The following KLHL26 variants were observed in gnomAD, a reference collection of about 807,000 sequenced individuals.
The protein encoded by KLHL26 is kelch like family member 26.
Under a neutral mutation model 7.1 loss-of-function variants are expected in KLHL26, and 4 were observed. The ratio of observed to expected loss-of-function variants is 0.56; its 90% confidence interval spans 0.28 to 1.28. The LOEUF (loss-of-function observed/expected upper bound fraction) is 1.28, where lower values mean the gene tolerates loss of function less well. Ranked by LOEUF, KLHL26 falls within the 50% of genes most tolerant of loss-of-function variation. KLHL26 has a pLI of 0.11. For synonymous variants in KLHL26, 465 were observed against 414.1 expected, an observed-to-expected ratio of 1.12 and a Z score of -1.49; for missense variants, 896 against 924.6, an observed-to-expected ratio of 0.97 and a Z score of 0.40.
At chr19:18,642,833 A>G (rs987648654) in intron 1 of KLHL26, among the ~76,000 whole-genome samples, 1 of 143,478 alleles carries the variant, frequency 7.0e-6, no homozygotes, top group African/African-American at 2.5e-5. Flanking sequence ...CTACTAACAC[A>G]CCTAATTTTT....
rs2145376614 is a variant in KLHL26 at position 18,646,255 on chromosome 19, G to A, written c.83+9118G>A. On this transcript the variant is annotated intron_variant, in intron 1 of 2. Coordinates refer to ENST00000300976, the MANE Select transcript of KLHL26 (RefSeq NM_018316.3). The surrounding 1 kb of genome is among the most constrained non-coding windows in gnomAD (Gnocchi z 5.0). ...TCCTGCCTCAGCCTCCCAAGTAGCTGGGACTACAGGCGCCCACTACCATGC... is the reference window on the plus strand; with the variant it reads ...TCCTGCCTCAGCCTCCCAAGTAGCTAGGACTACAGGCGCCCACTACCATGC... Among the ~76,000 whole-genome samples, 1 of 152,256 alleles carries A rather than the reference G, an allele frequency of 6.6e-6. No homozygotes were observed. Among genetic ancestry groups the A allele is most frequent in the South Asian group, 2.1e-4 (1 of 4,824 alleles).
chr19:18,662,935 G>A (rs981392904), intron 1 of KLHL26, among the ~76,000 whole-genome samples: 1 of 152,066 alleles, frequency 6.6e-6, no homozygotes, highest in Non-Finnish European at 1.5e-5. Flanking sequence ...GAGTCTCAGG[G>A]TGCACCTGGA....
intron 1 of KLHL26, among the ~76,000 whole-genome samples, chr19:18,663,653 G>C (rs1419064829): frequency 6.6e-6 from 1 of 152,162 alleles, no homozygotes; most frequent in African/African-American, 2.4e-5. Context: ...GGTGGCACCA[G>C]GGTCCACCCC....
Position 18,669,393 on chromosome 19 carries a change from G to A in KLHL26, c.*148G>A. On this transcript the variant is annotated 3_prime_UTR_variant, in exon 3 of 3. Coordinates refer to ENST00000300976, the MANE Select transcript of KLHL26 (RefSeq NM_018316.3). Reference sequence around the variant, plus strand: ...TGCGTTGATAAGCCCCCCTCCCAGGGGTCCCTCCCTCCCTCCTTCCCAAAG... The same window carrying A: ...TGCGTTGATAAGCCCCCCTCCCAGGAGTCCCTCCCTCCCTCCTTCCCAAAG... 1 of 630,916 alleles carries A rather than the reference G, an allele frequency of 1.6e-6. No homozygotes were observed. The highest frequency in any genetic ancestry group is 2.8e-6 in the Non-Finnish European group (1 of 363,046). The allele number at this position is 630,916 out of a possible 1,614,324, so 39.1% of individuals were successfully genotyped here.
In KLHL26 at chr19:18,650,093, T is replaced by C. The variant is rs1336052588; in HGVS notation, c.83+12956T>C. Among the ~76,000 whole-genome samples, 1 of 152,052 alleles carries C rather than the reference T, an allele frequency of 6.6e-6. No homozygotes were observed. Among genetic ancestry groups the C allele is most frequent in the Admixed American group, 6.5e-5 (1 of 15,274 alleles). On this transcript the variant is annotated intron_variant, in intron 1 of 2. Coordinates refer to ENST00000300976, the MANE Select transcript of KLHL26 (RefSeq NM_018316.3). The surrounding 1 kb of genome is among the most constrained non-coding windows in gnomAD (Gnocchi z 4.2). ...CTTGAGGGGTGGACCTTCAGGCTTG[T>C]AAAGGCCTGGAGGGGGGTCACCCGA...
At chr19:18,642,990 C>T (rs1246408864) in intron 1 of KLHL26, among the ~76,000 whole-genome samples, 3 of 151,910 alleles carry the variant, frequency 2.0e-5, no homozygotes, top group African/African-American at 4.8e-5. Flanking sequence ...CACGCCACCA[C>T]GCCCAAATAA....
At position 18,668,629 on chromosome 19, in the gene KLHL26, T is replaced by C; in HGVS notation, c.1232T>C (p.Leu411Pro). ...CGCATCCAGTTCCAGCTGAACGTGC[T>C]GTGCGGCATGGTGTACGCCACGGGC... Reference protein sequence around the residue: ...ESRIQFQLNVLCGMVYATGGR... With the variant: ...ESRIQFQLNVPCGMVYATGGR... The change falls in exon 3 of 3, where the codon CTG becomes CCG. Residue 411 changes from leucine to proline, a missense_variant. Physicochemically the swap from Leu to Pro is moderately conservative, Grantham distance 98. Transcript: ENST00000300976. 1 of 1,581,334 alleles carries C rather than the reference T, an allele frequency of 6.3e-7. No individual in the cohort carries two copies. Among genetic ancestry groups the C allele is most frequent in the South Asian group, 1.1e-5 (1 of 89,120 alleles).
At chr19:18,665,348 G>T (rs548818724) in intron 2 of KLHL26, among the ~76,000 whole-genome samples, 2 of 152,318 alleles carry the variant, frequency 1.3e-5, no homozygotes, top group African/African-American at 4.8e-5. Context: ...GAGCCACTGC[G>T]CCCAGCCCAA....
Position 18,667,607 on chromosome 19 carries a change from G to T in KLHL26, c.267-57G>T. 1.9e-6 allele frequency: 3 copies of T among 1,563,444 alleles called. No homozygotes were observed. The South Asian group carries it at 3.7e-5, about 19-fold the overall frequency. On this transcript the variant is annotated intron_variant, in intron 2 of 2. Coordinates refer to ENST00000300976, the MANE Select transcript of KLHL26 (RefSeq NM_018316.3). ...TGTTCCCCAGGCCAGATCATTCCTG[G>T]CTGGCCAAAACACCCCTCAGCCACT...
In KLHL26 at chr19:18,648,255, AGCT is replaced by A. The variant is rs1976840397; in HGVS notation, c.83+11122_83+11124del. ...CGCAGTGGCGGGTGCTTGTAGTCCC[AGCT>A]GCTCTGGAGGCTGAGGCACGAGAGT... is the stretch of plus-strand genomic sequence containing the variant. On this transcript the variant is annotated intron_variant, in intron 1 of 2. Transcript: ENST00000300976. The surrounding 1 kb of genome is among the most constrained non-coding windows in gnomAD (Gnocchi z 4.9). Among the ~76,000 whole-genome samples, 1 of 152,180 alleles carries A rather than the reference AGCT, an allele frequency of 6.6e-6. No homozygotes were observed. The highest frequency in any genetic ancestry group is 6.5e-5 in the Admixed American group (1 of 15,288).
intron 1 of KLHL26, among the ~76,000 whole-genome samples, chr19:18,657,189 C>T (rs2052343478): frequency 6.6e-6 from 1 of 151,180 alleles, no homozygotes; most frequent in Non-Finnish European, 1.5e-5. Context: ...CTCTGTCTCC[C>T]TGTCCCTGGA....
At chr19:18,655,236 G>T (rs996867146) in intron 1 of KLHL26, among the ~76,000 whole-genome samples, 1 of 152,190 alleles carries the variant, frequency 6.6e-6, no homozygotes, top group Admixed American at 6.5e-5. Context: ...GCCTGGGGCC[G>T]GCCTTGAAAA....
chr19:18,645,087 C>T (rs1386070340), intron 1 of KLHL26, among the ~76,000 whole-genome samples: 1 of 152,154 alleles, frequency 6.6e-6, no homozygotes, highest in Non-Finnish European at 1.5e-5. Flanking sequence ...ATGACTGAGC[C>T]GAACCTCAGG....
chr19:18,665,854 A>T (rs1484967505), intron 2 of KLHL26, among the ~76,000 whole-genome samples: 2 of 152,136 alleles, frequency 1.3e-5, no homozygotes, highest in Non-Finnish European at 2.9e-5. Flanking sequence ...CCCAGGCCCC[A>T]GCCCAGGTGT....
At chr19:18,641,099 C>T (rs1166101690) in intron 1 of KLHL26, among the ~76,000 whole-genome samples, 1 of 144,688 alleles carries the variant, frequency 6.9e-6, no homozygotes, top group Non-Finnish European at 1.5e-5. Context: ...GCTCACTGCA[C>T]CCTGGAACTC....
intron 1 of KLHL26, among the ~76,000 whole-genome samples, chr19:18,658,284 G>A (rs773577600): frequency 5.3e-5 from 8 of 152,112 alleles, no homozygotes; most frequent in Non-Finnish European, 1.2e-4. Context: ...AGGTGTCAGT[G>A]TGGTTGGAGA....
intron 1 of KLHL26, among the ~76,000 whole-genome samples, chr19:18,647,260 TGTC>T (rs959120066): frequency 1.3e-5 from 2 of 152,172 alleles, no homozygotes; most frequent in African/African-American, 4.8e-5. Context: ...ACGGCCTCCT[TGTC>T]GTTGTCCGTA....
rs1022349903 is a variant in KLHL26, at chr19:18,648,045, G to A, written c.83+10908G>A. Among the ~76,000 whole-genome samples the A allele has an allele frequency of 5.3e-5, 8 of 152,160 alleles. No homozygotes were observed. The highest frequency in any genetic ancestry group is 1.4e-4 in the African/African-American group (6 of 41,444). ...GGGCCAGGGCAGGGTTTGGGTGAGC[G>A]GCATATCAGTCAGCCTCCTGTTTTG... On this transcript the variant is annotated intron_variant, in intron 1 of 2. Transcript: ENST00000300976. This position sits in a 1 kb window ranked among gnomAD's most constrained non-coding sequence, Gnocchi z 4.9.
intron 1 of KLHL26, among the ~76,000 whole-genome samples, chr19:18,651,367 A>C (rs1055601593): frequency 6.6e-6 from 1 of 152,192 alleles, no homozygotes; most frequent in Non-Finnish European, 1.5e-5. Context: ...CCCTATGGCC[A>C]GGGGCCCTGG....
Sources: allele counts gnomAD v4.1 joint callset (sites outside exome capture counted in the v4.1 genomes callset), GRCh38; gene constraint gnomAD v4.1.1; non-coding constraint Gnocchi (gnomAD v3.1); transcripts MANE v1.5; gene names NCBI Gene and HGNC (gene_info 2026-07-23, HGNC 2026-07-21).